NFATC3: variants seen among roughly 807,000 people sequenced by gnomAD.
NFATC3 encodes the protein nuclear factor of activated T-cells, cytoplasmic 3.
Under a neutral mutation model 98.6 loss-of-function variants are expected in NFATC3, and 46 were observed. The observed-to-expected ratio is 0.47, with a 90% CI of 0.37 to 0.60. The LOEUF is 0.60. NFATC3 is among the 20% of genes least tolerant of loss of function. The probability of loss-of-function intolerance (pLI) is 0.00; values close to 1 mark genes in which losing one functional copy is unlikely to be tolerated. For missense variants in NFATC3, 1,256 were observed against 1,295.5 expected (o/e 0.97, Z 0.47); for synonymous variants, 512 against 472.2 (o/e 1.08, Z -1.09).
Position 68,191,593 on chromosome 16 carries a change from C to T in NFATC3, c.2924C>T (p.Ser975Leu), listed in dbSNP as rs1191587966. Reference protein sequence around the residue: ...PATRMHSGQHSTQAQSTGQGG... With the variant: ...PATRMHSGQHLTQAQSTGQGG... ...ACCAGAATGCATTCTGGACAGCACT[C>T]AACTCAAGCACAAAGTACGGGCCAG... Residue 975 changes from serine (S) to leucine (L), a missense_variant, in exon 9 of 10, where the codon TCA becomes TTA. This residue lies in a region of NFATC3 where 636 missense variants were observed against 617.3 expected (regional missense o/e 1.03). Transcript: ENST00000346183. 7 of 1,614,032 alleles carry T rather than the reference C, an allele frequency of 4.3e-6. No individual in the cohort carries two copies. Among genetic ancestry groups the T allele is most frequent in the Non-Finnish European group, 5.9e-6 (7 of 1,180,042 alleles).
chr16:68,104,380 T>A (rs1440185879), intron 1 of NFATC3, among the ~76,000 whole-genome samples: 2 of 152,212 alleles, frequency 1.3e-5, no homozygotes, highest in African/African-American at 4.8e-5. Context: ...TGTTTTACCC[T>A]GCACCTTTAA....
At chr16:68,108,592 A>G (rs1302567685) in intron 1 of NFATC3, among the ~76,000 whole-genome samples, 1 of 152,158 alleles carries the variant, frequency 6.6e-6, no homozygotes, top group African/African-American at 2.4e-5. Context: ...ATTTTAAAAT[A>G]GTTTTTTCTA....
At chr16:68,197,117 T>A (rs1160662589) in intron 9 of NFATC3, among the ~76,000 whole-genome samples, 2 of 152,198 alleles carry the variant, frequency 1.3e-5, no homozygotes, top group African/African-American at 2.4e-5. Context: ...AATTTTTTTT[T>A]ATTTTTTGTA....
intron 3 of NFATC3, among the ~76,000 whole-genome samples, chr16:68,142,651 G>A (rs974496952): frequency 2.6e-5 from 4 of 151,978 alleles, no homozygotes; most frequent in Admixed American, 2.0e-4. Flanking sequence ...TCAGCTACTT[G>A]GGAGGCTGAG....
chr16:68,203,612 G>A (rs1199003859), intron 9 of NFATC3, among the ~76,000 whole-genome samples: 4 of 152,108 alleles, frequency 2.6e-5, no homozygotes, highest in African/African-American at 7.2e-5. Context: ...CAACTTGGGC[G>A]ACAGAGTGAG....
At chr16:68,119,123 T>C (rs2151495998) in intron 1 of NFATC3, among the ~76,000 whole-genome samples, 1 of 152,266 alleles carries the variant, frequency 6.6e-6, no homozygotes, top group African/African-American at 2.4e-5. Context: ...CGCCTCGGCC[T>C]CTCAAAGTGC....
intron 1 of NFATC3, among the ~76,000 whole-genome samples, chr16:68,088,414 A>G (rs889528326): frequency 2.8e-5 from 4 of 145,402 alleles, no homozygotes; most frequent in Admixed American, 1.4e-4. Flanking sequence ...ATAATGTATT[A>G]TATACATTAT....
chr16:68,132,295 G>T (rs2037153277), intron 3 of NFATC3, among the ~76,000 whole-genome samples: 1 of 152,166 alleles, frequency 6.6e-6, no homozygotes, highest in Middle Eastern at 3.2e-3. Flanking sequence ...GATGGAGGGT[G>T]GGGTAGGGTG....
chr16:68,180,418 T>C (rs1383067023), intron 6 of NFATC3, among the ~76,000 whole-genome samples: 2 of 152,136 alleles, frequency 1.3e-5, no homozygotes, highest in Admixed American at 6.6e-5. Context: ...GAAGTGAGTT[T>C]CCTGTCATTT....
At position 68,191,752 on chromosome 16, in the gene NFATC3, T is replaced by C. The variant is rs905712965; in HGVS notation, c.3083T>C (p.Leu1028Pro). The C allele has an allele frequency of 3.7e-6, 6 of 1,614,220 alleles. No homozygotes were observed. The South Asian group carries it at 6.6e-5, about 18-fold the overall frequency. Reference sequence around the variant, plus strand: ...GAGCCTAACTTTGCAACCATTGGTCTGCAGGACATCACTTTAGATGATGGT... The same window carrying C: ...GAGCCTAACTTTGCAACCATTGGTCCGCAGGACATCACTTTAGATGATGGT... ...DREPNFATIG[L>P]QDITLDDVNE... Residue 1028 changes from leucine (L) to proline (P), a missense_variant, in exon 9 of 10, where the codon CTG (leucine) becomes CCG (proline). Physicochemically the swap from Leu to Pro is moderately conservative, Grantham distance 98. Around this residue, in one of 3 missense-constraint regions of NFATC3, gnomAD observed 636 missense variants for 617.3 expected, o/e 1.03. Coordinates refer to ENST00000346183, the MANE Select transcript of NFATC3 (RefSeq NM_173165.3).
At chr16:68,166,429 A>T (rs2039198015) in intron 4 of NFATC3, among the ~76,000 whole-genome samples, 1 of 151,974 alleles carries the variant, frequency 6.6e-6, no homozygotes, top group Non-Finnish European at 1.5e-5. Flanking sequence ...CTTACTCAGG[A>T]CTCCAAAATA....
chr16:68,176,494 T>C (rs933785635), intron 6 of NFATC3, among the ~76,000 whole-genome samples: 6 of 152,206 alleles, frequency 3.9e-5, no homozygotes, highest in Admixed American at 1.3e-4. Context: ...GTTGTATGAA[T>C]GTACCACAAT....
chr16:68,206,224 A>G (rs972142131), intron 9 of NFATC3, among the ~76,000 whole-genome samples: 3 of 152,248 alleles, frequency 2.0e-5, no homozygotes, highest in Admixed American at 6.5e-5. Flanking sequence ...ATGTTCTCCC[A>G]TGAGAAAATC....
intron 1 of NFATC3, among the ~76,000 whole-genome samples, chr16:68,115,234 T>G (rs1366581579): frequency 6.6e-6 from 1 of 151,346 alleles, no homozygotes; most frequent in Non-Finnish European, 1.5e-5. Flanking sequence ...CTGGCTAAAT[T>G]TTGTATTTTA....
At chr16:68,112,085 A>G (rs1237592859) in intron 1 of NFATC3, among the ~76,000 whole-genome samples, 6 of 151,764 alleles carry the variant, frequency 4.0e-5, no homozygotes, top group Non-Finnish European at 1.5e-5. Context: ...ATCTGATGAT[A>G]ATGTGTTTTG....
At chr16:68,094,954 T>C (rs1176638154) in intron 1 of NFATC3, among the ~76,000 whole-genome samples, 2 of 152,154 alleles carry the variant, frequency 1.3e-5, no homozygotes, top group African/African-American at 4.8e-5. Context: ...TGGGTTACAT[T>C]CCCTTTCCTA....
intron 9 of NFATC3, among the ~76,000 whole-genome samples, chr16:68,219,308 G>A (rs1383452674): frequency 1.3e-5 from 2 of 152,010 alleles, no homozygotes; most frequent in Non-Finnish European, 2.9e-5. Flanking sequence ...GCTTGAACCC[G>A]GGAGGCGGAG....
chr16:68,111,078 T>C (rs546793958), intron 1 of NFATC3, among the ~76,000 whole-genome samples: 1 of 152,240 alleles, frequency 6.6e-6, no homozygotes, highest in Non-Finnish European at 1.5e-5. Context: ...AAGTATGTGA[T>C]CGAATCTAGA....
intron 9 of NFATC3, among the ~76,000 whole-genome samples, chr16:68,198,366 A>G (rs2040760754): frequency 6.6e-6 from 1 of 152,166 alleles, no homozygotes; most frequent in African/African-American, 2.4e-5. Context: ...TATAGCTCTC[A>G]TTTTATGGAT....
Sources: gnomAD v4.1 joint callset for allele counts (sites outside exome capture counted in the v4.1 genomes callset) on GRCh38, gnomAD v4.1.1 for gene constraint, gnomAD v4.1.1 regional missense constraint, MANE v1.5 for transcripts, NCBI Gene and HGNC (gene_info 2026-07-23, HGNC 2026-07-21) for gene names.